The following THADA variants were observed in gnomAD, a reference collection of about 807,000 sequenced individuals.
THADA encodes tRNA (32-2'-O)-methyltransferase regulator THADA.
A neutral mutation model predicts 219.8 loss-of-function variants in THADA; 213 were observed. The ratio of observed to expected loss-of-function variants is 0.97; its 90% CI spans 0.87 to 1.09. THADA has a LOEUF of 1.09. THADA is among the 50% of genes least tolerant of loss of function. THADA has a pLI of 0.00. For synonymous variants in THADA, 1,018 were observed against 828.9 expected (o/e 1.23, Z -3.92); for missense variants, 2,956 against 2,311.3 (o/e 1.28, Z -5.72).
chr2:43,583,220 C>A (rs1700645364), intron 7 of THADA, among the ~76,000 whole-genome samples: 1 of 152,212 alleles, frequency 6.6e-6, no homozygotes, highest in African/African-American at 2.4e-5. Context: ...AACTCCAAAT[C>A]TGCTGTACCT....
At chr2:43,361,486 ACTCC>A (rs1166660658) in intron 29 of THADA, among the ~76,000 whole-genome samples, 3 of 151,682 alleles carry the variant, frequency 2.0e-5, no homozygotes, top group Admixed American at 2.0e-4. Flanking sequence ...GACTCACTTC[ACTCC>A]TCTCCAGCCA....
At chr2:43,389,191 A>G (rs1673058553) in intron 29 of THADA, among the ~76,000 whole-genome samples, 1 of 152,234 alleles carries the variant, frequency 6.6e-6, no homozygotes, top group South Asian at 2.1e-4. Context: ...ATCCAGAGGG[A>G]GACAAGCTGG....
chr2:43,465,281 GT>G (rs940459355), intron 26 of THADA, among the ~76,000 whole-genome samples: 1 of 152,162 alleles, frequency 6.6e-6, no homozygotes, highest in Admixed American at 6.5e-5. Context: ...CATTGAACTT[GT>G]TTAATCCAGT....
intron 29 of THADA, among the ~76,000 whole-genome samples, chr2:43,378,439 G>T (rs1057306536): frequency 6.6e-6 from 1 of 152,142 alleles, no homozygotes; most frequent in Non-Finnish European, 1.5e-5. Flanking sequence ...CTTGAGTATA[G>T]TTAATATAAC....
chr2:43,288,731 C>A (rs1674343368), intron 34 of THADA, among the ~76,000 whole-genome samples: 1 of 152,184 alleles, frequency 6.6e-6, no homozygotes. Flanking sequence ...TGATTTAAAT[C>A]ATTGGACATC....
Position 43,556,497 on chromosome 2 carries a change from T to C in THADA, c.2522A>G (p.Lys841Arg), listed in dbSNP as rs772203027. The C allele has an allele frequency of 6.8e-6, 11 of 1,613,930 alleles. No individual in the cohort carries two copies. The highest frequency in any genetic ancestry group is 2.5e-6 in the Non-Finnish European group (3 of 1,179,844). The change falls in exon 17 of 38, where the codon AAA (lysine) becomes AGA (arginine). Residue 841 changes from lysine to arginine, a missense_variant. Transcript: ENST00000405975. The part of the protein sequence containing the change: ...QAALELSTST[K>R]PYDCVTASYL... ...GGAAGCTGTCACACAGTCGTATGGTTTGGTGCTTGTGCTGAGCTCCAATGC... is the reference window on the plus strand; with the variant it reads ...GGAAGCTGTCACACAGTCGTATGGTCTGGTGCTTGTGCTGAGCTCCAATGC...
intron 29 of THADA, among the ~76,000 whole-genome samples, chr2:43,350,828 T>C (rs958613478): frequency 3.3e-5 from 5 of 152,238 alleles, no homozygotes; most frequent in African/African-American, 1.2e-4. Context: ...ATCCTTAGGA[T>C]GGTCTTGCTA....
chr2:43,547,195 T>C (rs1696143406), intron 20 of THADA, among the ~76,000 whole-genome samples: 2 of 152,238 alleles, frequency 1.3e-5, no homozygotes, highest in African/African-American at 2.4e-5. Context: ...TGTTGAATAT[T>C]GGCCCCCACT....
intron 21 of THADA, among the ~76,000 whole-genome samples, chr2:43,532,575 T>A (rs960894657): frequency 8.5e-5 from 13 of 152,072 alleles, no homozygotes; most frequent in African/African-American, 2.9e-4. Context: ...AAACTCTCAA[T>A]AAACTAGGTA....
Position 43,590,910 on chromosome 2 carries a change from A to C in THADA, c.216T>G (p.Asp72Glu). The C allele has an allele frequency of 6.2e-7, 1 of 1,613,794 alleles. No individual in the cohort carries two copies. The highest frequency in any genetic ancestry group is 8.5e-7 in the Non-Finnish European group (1 of 1,179,714). ...TATCCAAACAACTTTGAATAGTGGG[A>C]TCACACATGCCATTTTTATCTGCTT... ...LEKADKNGMC[D>E]PTIQSCLDIL... The change falls in exon 4 of 38, where the codon GAT becomes GAG. Residue 72 changes from aspartate to glutamate, a missense_variant. Asp to Glu is a conservative substitution (Grantham distance 45, BLOSUM62 2). Coordinates refer to ENST00000405975, the MANE Select transcript of THADA (RefSeq NM_022065.5).
At chr2:43,272,559 A>G (rs1672252544) in intron 36 of THADA, among the ~76,000 whole-genome samples, 1 of 151,810 alleles carries the variant, frequency 6.6e-6, no homozygotes, top group South Asian at 2.1e-4. Context: ...AGAAAAATCT[A>G]TAGACTATCT....
chr2:43,500,623 A>G (rs1688833325), intron 24 of THADA, among the ~76,000 whole-genome samples: 1 of 152,250 alleles, frequency 6.6e-6, no homozygotes, highest in African/African-American at 2.4e-5. Context: ...CCTTAATAAG[A>G]TACTGGGTAG....
At chr2:43,344,826 C>T (rs192809972) in intron 29 of THADA, among the ~76,000 whole-genome samples, 8 of 151,396 alleles carry the variant, frequency 5.3e-5, no homozygotes, top group Admixed American at 1.3e-4. Context: ...GCAATGCAGA[C>T]GTGCCCCACT....
intron 29 of THADA, among the ~76,000 whole-genome samples, chr2:43,362,452 GGTAA>G (rs1553409717): frequency 3.9e-5 from 6 of 152,108 alleles, no homozygotes; most frequent in Non-Finnish European, 8.8e-5. Flanking sequence ...ATAACACAAT[GGTAA>G]GTATTTGTGT....
chr2:43,374,299 A>G (rs778598917), intron 29 of THADA, among the ~76,000 whole-genome samples: 23 of 152,244 alleles, frequency 1.5e-4, no homozygotes, highest in Non-Finnish European at 2.8e-4. Context: ...GACACGGTAC[A>G]GTATGGTACT....
At chr2:43,429,866 T>C (rs1190123147) in intron 27 of THADA, among the ~76,000 whole-genome samples, 4 of 151,038 alleles carry the variant, frequency 2.6e-5, no homozygotes, top group Non-Finnish European at 1.5e-5. Flanking sequence ...AAAAAGCCAA[T>C]TTTATGCAAG....
intron 4 of THADA, among the ~76,000 whole-genome samples, chr2:43,588,306 A>T (rs1375170188): frequency 6.6e-6 from 1 of 152,042 alleles, no homozygotes; most frequent in Admixed American, 6.6e-5. Flanking sequence ...AAAAAAAAAA[A>T]TAGTATAAGG....
At chr2:43,244,220 T>C (rs1325230777) in intron 36 of THADA, among the ~76,000 whole-genome samples, 3 of 152,190 alleles carry the variant, frequency 2.0e-5, no homozygotes, top group Non-Finnish European at 4.4e-5. Context: ...TCTTATTCAA[T>C]AGGGACATAC....
chr2:43,540,987 A>T lies in THADA; in HGVS notation c.3264+172T>A, dbSNP rs529796541. ...ATTTCTAAAAATGCCACAGTTTTGAAATGTATTATAAAGTCTAACATTCTA... is the reference window on the plus strand; with the variant it reads ...ATTTCTAAAAATGCCACAGTTTTGATATGTATTATAAAGTCTAACATTCTA... On this transcript the variant is annotated intron_variant, in intron 21 of 37. Coordinates refer to ENST00000405975, the MANE Select transcript of THADA (RefSeq NM_022065.5). Among the ~76,000 whole-genome samples, 4 of 152,332 alleles carry T rather than the reference A, an allele frequency of 2.6e-5. No homozygotes were observed. In the South Asian group the frequency reaches 8.3e-4, roughly 32 times the overall value.
Sources: allele counts gnomAD v4.1 joint callset (sites outside exome capture counted in the v4.1 genomes callset), GRCh38; gene constraint gnomAD v4.1.1; transcripts MANE v1.5; gene names NCBI Gene and HGNC (gene_info 2026-07-23, HGNC 2026-07-21).